Variants in PTPN11 observed in about 807,000 individuals in gnomAD.
PTPN11 encodes the protein protein tyrosine phosphatase non-receptor type 11, also known as tyrosine-protein phosphatase non-receptor type 11.
PTPN11 carries 6 observed loss-of-function variants against 78.8 expected under a neutral mutation model. The ratio of observed to expected loss-of-function variants is 0.08; its 90% confidence interval spans 0.04 to 0.15. The LOEUF (loss-of-function observed/expected upper bound fraction) is 0.15. Ranked by LOEUF, PTPN11 falls within the 10% of genes least tolerant of loss-of-function variation. The pLI, the probability that PTPN11 is intolerant of heterozygous loss-of-function variation, is 1.00. For synonymous variants in PTPN11, 221 were observed against 263.5 expected (o/e 0.84, Z 1.56); for missense variants, 386 against 744.8 (o/e 0.52, Z 5.61).
rs771646462 is a variant in PTPN11, at chr12:112,473,050, A to G, written c.853+10A>G. 8.9e-6 allele frequency: 14 copies of G among 1,567,372 alleles called. No individual in the cohort carries two copies. On this transcript the variant is annotated intron_variant, in intron 7 of 15. Coordinates refer to ENST00000351677, the MANE Select transcript of PTPN11 (RefSeq NM_002834.5). ...AAAAACATCCTGCCCTGTAAGTATCAATATTCCGCTCAGTAATAGTCACTC... is the reference window on the plus strand; with the variant it reads ...AAAAACATCCTGCCCTGTAAGTATCGATATTCCGCTCAGTAATAGTCACTC...
Position 112,473,101 on chromosome 12 carries a change from C to T in PTPN11, c.853+61C>T. On this transcript the variant is annotated intron_variant, in intron 7 of 15. Transcript: ENST00000351677. ...TTGGAGATTTTGATTCCTAGCACCT[C>T]TGTACCTTTCCTCAGGGTCGTGTGC... 4 of 1,341,980 alleles carry T rather than the reference C, an allele frequency of 3.0e-6. No individual in the cohort carries two copies. In the South Asian group the frequency reaches 4.7e-5, roughly 16 times the overall value. 83.1% of individuals were successfully genotyped at this position (1,341,980 alleles called of 1,614,324 possible).
intron 3 of PTPN11, among the ~76,000 whole-genome samples, chr12:112,452,408 C>T (rs2038091462): frequency 6.6e-6 from 1 of 151,760 alleles, no homozygotes; most frequent in African/African-American, 2.4e-5. Context: ...GTATTTTTAG[C>T]AGAGACAGGG....
rs2038944712 is a variant in PTPN11 at position 112,507,039 on chromosome 12, A to T, written c.*1247A>T. On this transcript the variant is annotated 3_prime_UTR_variant, in exon 16 of 16. Coordinates refer to ENST00000351677, the MANE Select transcript of PTPN11 (RefSeq NM_002834.5). ...AGCTGGGGTATGCCCTCTACTTACT[A>T]AACAAGTCACAAGCCCAGCTCAGAT... The T allele has an allele frequency of 5.2e-6, 1 of 191,228 alleles. No individual in the cohort carries two copies. The highest frequency in any genetic ancestry group is 1.1e-5 in the Non-Finnish European group (1 of 92,916). 11.8% of individuals were successfully genotyped at this position (191,228 alleles called of 1,614,324 possible).
intron 1 of PTPN11, among the ~76,000 whole-genome samples, chr12:112,429,413 T>C (rs963581785): frequency 5.9e-5 from 9 of 151,784 alleles, no homozygotes; most frequent in Non-Finnish European, 1.2e-4. Flanking sequence ...ACCTACCTTA[T>C]CTTCTGTTGC....
intron 13 of PTPN11, among the ~76,000 whole-genome samples, chr12:112,495,294 T>C (rs762742854): frequency 5.9e-5 from 9 of 152,222 alleles, no homozygotes; most frequent in Middle Eastern, 6.3e-3. Flanking sequence ...CACACTGAGT[T>C]TGGTCACTTG....
chr12:112,477,795 C>T (rs2038530215), intron 8 of PTPN11, 62 bp from the exon 9 acceptor site: 1 of 1,608,350 alleles, frequency 6.2e-7, no homozygotes, highest in Non-Finnish European at 8.5e-7. Flanking sequence ...TATTTTAAAT[C>T]CTTCCTCATG....
chr12:112,480,337 A>G (rs1386293270), intron 9 of PTPN11, among the ~76,000 whole-genome samples: 1 of 151,908 alleles, frequency 6.6e-6, no homozygotes, highest in Non-Finnish European at 1.5e-5. Context: ...CTGAATTGAG[A>G]ATCATAATAA....
At position 112,439,808 on chromosome 12, in the gene PTPN11, A is replaced by C. The variant is rs180800428; in HGVS notation, c.15-6468A>C. ...TTAAAAAAAAAAACAAAAACAAAAAAAAAAACCCAAACCATAAACCCAATA... is the reference window on the plus strand; with the variant it reads ...TTAAAAAAAAAAACAAAAACAAAAACAAAAACCCAAACCATAAACCCAATA... On this transcript the variant is annotated intron_variant, in intron 1 of 15. Transcript: ENST00000351677. Among the ~76,000 whole-genome samples, 809 of 151,850 alleles carry C rather than the reference A, an allele frequency of 5.3e-3. 3 individuals are homozygous for C. The highest frequency in any genetic ancestry group is 7.5e-3 in the Non-Finnish European group (512 of 67,942).
At chr12:112,486,067 G>T (rs922709680) in intron 10 of PTPN11, among the ~76,000 whole-genome samples, 1 of 151,910 alleles carries the variant, frequency 6.6e-6, no homozygotes, top group African/African-American at 2.4e-5. Context: ...AAAGAGGAAT[G>T]AATGTCTTAA....
In PTPN11 at chr12:112,489,182, G is replaced by C; in HGVS notation, c.1599+7G>C. 1.9e-6 allele frequency: 3 copies of C among 1,614,146 alleles called. No homozygotes were observed. Among genetic ancestry groups the C allele is most frequent in the Admixed American group, 1.7e-5 (1 of 60,016 alleles). On this transcript the variant is annotated splice_region_variant and intron_variant, in intron 13 of 15. Coordinates refer to ENST00000351677, the MANE Select transcript of PTPN11 (RefSeq NM_002834.5). The stretch of plus-strand genomic sequence containing the variant: ...CAGGATTGAAGAAGAGCAGGTACCA[G>C]CCTGAGGGCTGGCATGCGGATTCTC...
chr12:112,427,733 GTTTT>G (rs1434294653), intron 1 of PTPN11, among the ~76,000 whole-genome samples: 1 of 151,410 alleles, frequency 6.6e-6, no homozygotes, highest in South Asian at 2.1e-4. Flanking sequence ...TCCCCTCAGT[GTTTT>G]TTTATTTTTA....
At position 112,504,824 on chromosome 12, in the gene PTPN11, T is replaced by A; in HGVS notation, c.*32+28T>A. The A allele has an allele frequency of 7.5e-7, 1 of 1,336,118 alleles. No individual in the cohort carries two copies. The highest frequency in any genetic ancestry group is 1.1e-6 in the Non-Finnish European group (1 of 934,114). The allele number at this position is 1,336,118 out of a possible 1,614,324, so 82.8% of individuals were successfully genotyped here. On this transcript the variant is annotated intron_variant, in intron 15 of 15. Transcript: ENST00000351677. This position sits in a 1 kb window ranked among gnomAD's most constrained non-coding sequence, Gnocchi z 4.7. Reference sequence around the variant, plus strand: ...ATTTAAATGCAAGTGCTCTATTGGTTAATTGTTTATATAATTGGCAGTATT... The same window carrying A: ...ATTTAAATGCAAGTGCTCTATTGGTAAATTGTTTATATAATTGGCAGTATT...
intron 1 of PTPN11, among the ~76,000 whole-genome samples, chr12:112,436,096 TG>T (rs2135841816): frequency 6.6e-6 from 1 of 152,168 alleles, no homozygotes; most frequent in Admixed American, 6.6e-5. Context: ...TGGCACAGAA[TG>T]TCAAAGAATA....
At chr12:112,450,269 G>T (rs746313728) in intron 2 of PTPN11, 49 bp from the exon 3 acceptor site, 35 of 1,494,692 alleles carry the variant, frequency 2.3e-5, no homozygotes, top group Non-Finnish European at 3.2e-5. Flanking sequence ...TTTTACTGGT[G>T]TAACTCTTTA....
At position 112,482,002 on chromosome 12, in the gene PTPN11, T is replaced by A; in HGVS notation, c.1093-72T>A. On this transcript the variant is annotated intron_variant, in intron 9 of 15. Coordinates refer to ENST00000351677, the MANE Select transcript of PTPN11 (RefSeq NM_002834.5). This position sits in a 1 kb window ranked among gnomAD's most constrained non-coding sequence, Gnocchi z 4.4. ...GGTTATTAAGCAAGACTTGAACATTTGTTTGTTGCTTGTTTAGGCTTTTAT... is the reference window on the plus strand; with the variant it reads ...GGTTATTAAGCAAGACTTGAACATTAGTTTGTTGCTTGTTTAGGCTTTTAT... The A allele has an allele frequency of 6.8e-7, 1 of 1,467,936 alleles. No individual in the cohort carries two copies. 90.9% of individuals were successfully genotyped at this position (1,467,936 alleles called of 1,614,324 possible). A position where few individuals can be genotyped will look rare whatever the true frequency, so the allele number is the denominator to read the frequency against.
At chr12:112,433,940 A>G (rs1430101389) in intron 1 of PTPN11, among the ~76,000 whole-genome samples, 2 of 152,034 alleles carry the variant, frequency 1.3e-5, no homozygotes, top group Non-Finnish European at 2.9e-5. Context: ...GCTGGGAGAT[A>G]GAGTGGGACC....
At chr12:112,468,066 T>A (rs778688624) in intron 6 of PTPN11, among the ~76,000 whole-genome samples, 8 of 152,206 alleles carry the variant, frequency 5.3e-5, no homozygotes, top group African/African-American at 9.7e-5. Flanking sequence ...TTTTGAGAGT[T>A]CACAGTTTGG....
At chr12:112,465,581 G>T (rs1307691130) in intron 6 of PTPN11, among the ~76,000 whole-genome samples, 1 of 152,112 alleles carries the variant, frequency 6.6e-6, no homozygotes, top group Non-Finnish European at 1.5e-5. Context: ...TGTCTCTCGG[G>T]CTTTCTTCTT....
intron 13 of PTPN11, among the ~76,000 whole-genome samples, chr12:112,500,714 C>T (rs1479146953): frequency 6.6e-6 from 1 of 152,154 alleles, no homozygotes; most frequent in African/African-American, 2.4e-5. Context: ...GCCTCAGCCT[C>T]CTGAGTAGCT....
Sources: gnomAD v4.1 joint callset for allele counts (sites outside exome capture counted in the v4.1 genomes callset) on GRCh38, gnomAD v4.1.1 for gene constraint, Gnocchi (gnomAD v3.1) non-coding constraint, MANE v1.5 for transcripts, NCBI Gene and HGNC (gene_info 2026-07-23, HGNC 2026-07-21) for gene names.